Variants in TTC7B observed in about 807,000 individuals in gnomAD.
TTC7B encodes the protein tetratricopeptide repeat protein 7B.
Under a neutral mutation model 106.8 loss-of-function variants are expected in TTC7B, and 28 were observed. The ratio of observed to expected loss-of-function variants is 0.26; its 90% CI spans 0.19 to 0.36. The LOEUF (loss-of-function observed/expected upper bound fraction) is 0.36. TTC7B is among the 10% of genes least tolerant of loss of function. The probability of loss-of-function intolerance (pLI) is 1.00; values close to 1 mark genes in which losing one functional copy is unlikely to be tolerated. For synonymous variants in TTC7B, 405 were observed against 430.6 expected (o/e 0.94, Z 0.74); for missense variants, 862 against 1,076.4 (o/e 0.80, Z 2.79).
rs891849916 is a variant in TTC7B, at chr14:90,600,158, C to A, written c.1967-6532G>T. Among the ~76,000 whole-genome samples the A allele has an allele frequency of 6.6e-6, 1 of 152,152 alleles. No individual in the cohort carries two copies. Among genetic ancestry groups the A allele is most frequent in the Non-Finnish European group, 1.5e-5 (1 of 68,024 alleles). On this transcript the variant is annotated intron_variant, in intron 17 of 19. Transcript: ENST00000328459. This position sits in a 1 kb window ranked among gnomAD's most constrained non-coding sequence, Gnocchi z 4.3. ...CATGAGTGTCCACTCCCACTTCGGC[C>A]CTCAAAGCAGGCATATTTCTCCATA...
chr14:90,678,196 A>G lies in TTC7B; in HGVS notation c.1015-1536T>C, dbSNP rs568666806. On this transcript the variant is annotated intron_variant, in intron 8 of 19. Coordinates refer to ENST00000328459, the MANE Select transcript of TTC7B (RefSeq NM_001010854.2). ...ACAATATAGAACCTCAAACAGACCCACAAATAATAAATATCCCAGAATATT... is the reference window on the plus strand; with the variant it reads ...ACAATATAGAACCTCAAACAGACCCGCAAATAATAAATATCCCAGAATATT... 9.8e-5 allele frequency among the ~76,000 whole-genome samples: 15 copies of G among 152,370 alleles called. No homozygotes were observed. In the South Asian group the frequency reaches 2.9e-3, roughly 29 times the overall value.
chr14:90,725,070 G>C (rs1458531952), intron 5 of TTC7B, among the ~76,000 whole-genome samples: 1 of 152,124 alleles, frequency 6.6e-6, no homozygotes, highest in Non-Finnish European at 1.5e-5. Flanking sequence ...ACAAAAAAGT[G>C]GTGGTTATTA....
chr14:90,556,188 G>C (rs898127579), intron 19 of TTC7B, among the ~76,000 whole-genome samples: 3 of 152,246 alleles, frequency 2.0e-5, no homozygotes, highest in Admixed American at 2.0e-4. Flanking sequence ...GGCCCCGTGG[G>C]GGCGGAGAGG....
chr14:90,597,418 G>A (rs1296461655), intron 17 of TTC7B, among the ~76,000 whole-genome samples: 1 of 152,222 alleles, frequency 6.6e-6, no homozygotes, highest in Non-Finnish European at 1.5e-5. Flanking sequence ...AGCACCGTGG[G>A]AGGCTGAGGC....
At chr14:90,770,408 T>A (rs8021367) in intron 3 of TTC7B, among the ~76,000 whole-genome samples, 2 of 151,806 alleles carry the variant, frequency 1.3e-5, no homozygotes, top group African/African-American at 4.8e-5. Flanking sequence ...TGTAATCCCA[T>A]CACTTTAGGA....
chr14:90,558,159 T>C (rs1452209131), intron 19 of TTC7B, among the ~76,000 whole-genome samples: 1 of 152,260 alleles, frequency 6.6e-6, no homozygotes, highest in Non-Finnish European at 1.5e-5. Flanking sequence ...CCAGCCTCCG[T>C]GCCAGGGTGC....
chr14:90,630,689 T>C (rs1469641340), intron 15 of TTC7B, among the ~76,000 whole-genome samples: 1 of 152,216 alleles, frequency 6.6e-6, no homozygotes, highest in African/African-American at 2.4e-5. Context: ...ACTTTCTGTC[T>C]CTATGAGTTT....
At chr14:90,722,602 C>T (rs1888939485) in intron 5 of TTC7B, among the ~76,000 whole-genome samples, 1 of 152,196 alleles carries the variant, frequency 6.6e-6, no homozygotes, top group South Asian at 2.1e-4. Flanking sequence ...AGGAAGTGGC[C>T]TGTATACAGA....
At chr14:90,569,115 A>C (rs562901440) in intron 19 of TTC7B, among the ~76,000 whole-genome samples, 1 of 152,160 alleles carries the variant, frequency 6.6e-6, no homozygotes, top group Non-Finnish European at 1.5e-5. Context: ...CAGGCACTGC[A>C]AACCCAGTGA....
chr14:90,582,787 C>T (rs1891551072), intron 18 of TTC7B, among the ~76,000 whole-genome samples: 1 of 152,196 alleles, frequency 6.6e-6, no homozygotes, highest in Non-Finnish European at 1.5e-5. Flanking sequence ...CTCTGAATAG[C>T]CATTCCCTCT....
chr14:90,741,860 C>G (rs1889779588), intron 4 of TTC7B, among the ~76,000 whole-genome samples: 1 of 152,130 alleles, frequency 6.6e-6, no homozygotes, highest in Admixed American at 6.5e-5. Context: ...TGGGTTCATT[C>G]AATCTCTCTC....
chr14:90,559,976 T>C (rs1890499480), intron 19 of TTC7B, among the ~76,000 whole-genome samples: 1 of 152,226 alleles, frequency 6.6e-6, no homozygotes, highest in African/African-American at 2.4e-5. Flanking sequence ...GGCTCGTTCC[T>C]TCCCCCTTGG....
intron 15 of TTC7B, among the ~76,000 whole-genome samples, chr14:90,628,464 G>T (rs1251421798): frequency 6.6e-6 from 1 of 152,228 alleles, no homozygotes; most frequent in African/African-American, 2.4e-5. Flanking sequence ...GTGAAGAAAT[G>T]AGACATTGGG....
intron 13 of TTC7B, chr14:90,647,317 GC>G (rs2139886706): frequency 2.9e-6 from 1 of 349,038 alleles, no homozygotes; most frequent in African/African-American, 2.1e-5. Flanking sequence ...GAATCCATAG[GC>G]CCTGAGGTCT....
intron 5 of TTC7B, among the ~76,000 whole-genome samples, chr14:90,703,603 T>C (rs1888086863): frequency 6.6e-6 from 1 of 151,980 alleles, no homozygotes; most frequent in Admixed American, 6.6e-5. Context: ...AAAAAGACCA[T>C]TACATGTGCA....
intron 1 of TTC7B, among the ~76,000 whole-genome samples, chr14:90,788,571 A>G (rs1031803527): frequency 1.5e-5 from 1 of 65,462 alleles, no homozygotes; most frequent in Non-Finnish European, 3.7e-5. Context: ...ATGTGCTCTT[A>G]AAAAAAAAAA....
intron 5 of TTC7B, among the ~76,000 whole-genome samples, chr14:90,712,983 AT>A (rs1019511654): frequency 1.3e-5 from 2 of 151,756 alleles, no homozygotes; most frequent in East Asian, 1.9e-4. Context: ...ATGTTAAATT[AT>A]TTTTTTTTAC....
chr14:90,632,786 C>T (rs1175756229), intron 15 of TTC7B, among the ~76,000 whole-genome samples: 1 of 152,108 alleles, frequency 6.6e-6, no homozygotes, highest in Non-Finnish European at 1.5e-5. Flanking sequence ...CCTCAGTTTC[C>T]TTATCTACAA....
At chr14:90,812,087 G>A (rs1177039155) in intron 1 of TTC7B, among the ~76,000 whole-genome samples, 1 of 152,158 alleles carries the variant, frequency 6.6e-6, no homozygotes, top group Non-Finnish European at 1.5e-5. Flanking sequence ...ATGACCATGT[G>A]CCCTGGCTGA....
Sources: allele counts gnomAD v4.1 joint callset (sites outside exome capture counted in the v4.1 genomes callset), GRCh38; gene constraint gnomAD v4.1.1; non-coding constraint Gnocchi (gnomAD v3.1); transcripts MANE v1.5; gene names NCBI Gene and HGNC (gene_info 2026-07-23, HGNC 2026-07-21).